CDK13: variants seen among roughly 807,000 people sequenced by gnomAD.
CDK13 encodes cyclin dependent kinase 13.
A neutral mutation model predicts 137.6 loss-of-function variants in CDK13; 40 were observed. The ratio of observed to expected loss-of-function variants is 0.29; its 90% confidence interval spans 0.23 to 0.38. CDK13 has a LOEUF of 0.38. Ranked by LOEUF, CDK13 falls within the 10% of genes least tolerant of loss-of-function variation. The pLI is 1.00. For synonymous variants in CDK13, 869 were observed against 760.1 expected (o/e 1.14, Z -2.36); for missense variants, 1,704 against 1,951.8 (o/e 0.87, Z 2.39).
intron 5 of CDK13, among the ~76,000 whole-genome samples, chr7:40,042,536 T>A (rs1785634395): frequency 7.4e-6 from 1 of 135,510 alleles, no homozygotes; most frequent in South Asian, 2.4e-4. Context: ...TGGAGTGCAG[T>A]GGCGCAATCA....
intron 2 of CDK13, among the ~76,000 whole-genome samples, chr7:39,996,194 C>T (rs577065487): frequency 6.6e-6 from 1 of 152,032 alleles, no homozygotes; most frequent in Non-Finnish European, 1.5e-5. Flanking sequence ...CAGTATTATT[C>T]AACACGAATA....
chr7:39,982,696 A>G (rs75298992), intron 1 of CDK13, among the ~76,000 whole-genome samples: 40,669 of 152,092 alleles, frequency 0.27, 6,568 homozygotes, highest in Middle Eastern at 0.45. Context: ...TGACTTTTCA[A>G]TGATTGCCAT....
intron 11 of CDK13, chr7:40,085,681 CTTTG>C (rs1415566911): frequency 1.3e-5 from 2 of 152,504 alleles, no homozygotes; most frequent in Non-Finnish European, 2.9e-5. Context: ...CAAATTGTCC[CTTTG>C]TTTGTTACTC....
chr7:40,003,093 A>T (rs887700454), intron 5 of CDK13, among the ~76,000 whole-genome samples: 1 of 151,722 alleles, frequency 6.6e-6, no homozygotes, highest in South Asian at 2.1e-4. Flanking sequence ...ACGAAAAGAA[A>T]AAGATTAAAG....
In CDK13 at chr7:40,037,279, G is replaced by A. The variant is rs549047972; in HGVS notation, c.2354-8557G>A. Among the ~76,000 whole-genome samples the A allele has an allele frequency of 6.6e-5, 10 of 152,276 alleles. No individual in the cohort carries two copies. In the South Asian group the frequency reaches 1.9e-3, roughly 28 times the overall value. ...CTTGGCTTGGCAGTTTTGGTTTGGG[G>A]TCTCTCATAAGATTGCAGTGAGATG... On this transcript the variant is annotated intron_variant, in intron 5 of 13. Coordinates refer to ENST00000181839, the MANE Select transcript of CDK13 (RefSeq NM_003718.5).
At chr7:40,070,825 A>T (rs1266057238) in intron 9 of CDK13, 1 of 143,504 alleles carries the variant, frequency 7.0e-6, no homozygotes, top group African/African-American at 2.7e-5. Flanking sequence ...ATATATATAT[A>T]TTTAATTGTT....
chr7:39,954,682 G>A (rs766981159), intron 1 of CDK13, among the ~76,000 whole-genome samples: 3 of 152,194 alleles, frequency 2.0e-5, no homozygotes, highest in Non-Finnish European at 2.9e-5. Context: ...CCCAGCCTAT[G>A]CAGAACTTAC....
chr7:39,968,609 T>A (rs895049745), intron 1 of CDK13, among the ~76,000 whole-genome samples: 3 of 152,252 alleles, frequency 2.0e-5, no homozygotes, highest in African/African-American at 7.2e-5. Flanking sequence ...AAAAATCAGT[T>A]GACTATAAAT....
intron 5 of CDK13, among the ~76,000 whole-genome samples, chr7:40,024,680 CT>C (rs1447280985): frequency 2.7e-5 from 2 of 73,060 alleles, no homozygotes; most frequent in African/African-American, 1.3e-4. Flanking sequence ...TTTTTTTTTC[CT>C]GAGACAGAGT....
chr7:40,000,898 G>A (rs1046325913), intron 4 of CDK13, among the ~76,000 whole-genome samples: 1 of 152,144 alleles, frequency 6.6e-6, no homozygotes, highest in African/African-American at 2.4e-5. Context: ...TCGTGTATGT[G>A]TGTATATTTC....
chr7:39,974,770 G>A (rs927548490), intron 1 of CDK13, among the ~76,000 whole-genome samples: 2 of 151,976 alleles, frequency 1.3e-5, no homozygotes, highest in Admixed American at 1.3e-4. Context: ...TGCCATGTTG[G>A]TCAGGCTGGT....
intron 1 of CDK13, among the ~76,000 whole-genome samples, chr7:39,980,961 CAT>C (rs1784210933): frequency 6.6e-6 from 1 of 152,164 alleles, no homozygotes; most frequent in South Asian, 2.1e-4. Flanking sequence ...CTGTTAGAAA[CAT>C]AGAAAGTTCT....
chr7:40,093,835 G>A (rs1287830782), intron 13 of CDK13, among the ~76,000 whole-genome samples: 2 of 151,050 alleles, frequency 1.3e-5, no homozygotes, highest in African/African-American at 4.9e-5. Context: ...GAGCCCAGGA[G>A]GTCAAGGCTG....
chr7:39,969,713 A>G (rs1783952930), intron 1 of CDK13, among the ~76,000 whole-genome samples: 1 of 151,324 alleles, frequency 6.6e-6, no homozygotes, highest in South Asian at 2.1e-4. Context: ...ATTCTAGTGG[A>G]TGTGTATTGG....
intron 5 of CDK13, among the ~76,000 whole-genome samples, chr7:40,036,477 C>G (rs1026052086): frequency 1.3e-5 from 2 of 152,114 alleles, no homozygotes; most frequent in Admixed American, 6.5e-5. Context: ...GAGGCTGAGG[C>G]AGGAGAATTG....
chr7:40,084,817 T>C (rs1786748656), intron 11 of CDK13, among the ~76,000 whole-genome samples: 1 of 152,168 alleles, frequency 6.6e-6, no homozygotes, highest in Admixed American at 6.5e-5. Flanking sequence ...TAGATAGTAT[T>C]GTTAATCCCA....
At chr7:40,036,703 TA>T (rs17537999) in intron 5 of CDK13, among the ~76,000 whole-genome samples, 44 of 145,628 alleles carry the variant, frequency 3.0e-4, no homozygotes, top group Non-Finnish European at 3.2e-4. Flanking sequence ...CCTGTCAACT[TA>T]AAAAAAAAAA....
chr7:39,973,481 T>G (rs778764832), intron 1 of CDK13, among the ~76,000 whole-genome samples: 6 of 152,210 alleles, frequency 3.9e-5, no homozygotes, highest in Non-Finnish European at 8.8e-5. Context: ...TTATAGGATC[T>G]TAAGAGTTTT....
intron 1 of CDK13, among the ~76,000 whole-genome samples, chr7:39,963,791 T>TC (rs143771594): frequency 0.99 from 151,147 of 152,246 alleles, 75,036 homozygotes; most frequent in East Asian, 1. Flanking sequence ...TTGAGATACG[T>TC]CCATCAATAC....
Sources: gnomAD v4.1 joint callset for allele counts (sites outside exome capture counted in the v4.1 genomes callset) on GRCh38, gnomAD v4.1.1 for gene constraint, MANE v1.5 for transcripts, NCBI Gene and HGNC (gene_info 2026-07-23, HGNC 2026-07-21) for gene names.